BMPER: variants seen among roughly 807,000 people sequenced by gnomAD.
The protein encoded by BMPER is BMP-binding endothelial regulator protein.
In BMPER, 45 loss-of-function variants were observed where a neutral mutation model predicts 87.3. The ratio of observed to expected loss-of-function variants is 0.52; its 90% confidence interval spans 0.41 to 0.66. The LOEUF is 0.66. Among genes scored for constraint, BMPER ranks in the 30% least tolerant of loss-of-function variants. BMPER has a pLI of 0.00. For missense variants in BMPER, 784 were observed against 867.5 expected (o/e 0.90, Z 1.21); for synonymous variants, 326 against 316.2 (o/e 1.03, Z -0.33).
At chr7:33,920,376 G>T (rs1562630341) in intron 2 of BMPER, among the ~76,000 whole-genome samples, 1 of 149,508 alleles carries the variant, frequency 6.7e-6, no homozygotes, top group Non-Finnish European at 1.5e-5. Flanking sequence ...TCCTGATGGA[G>T]TAGGTCTGGC....
intron 3 of BMPER, among the ~76,000 whole-genome samples, chr7:33,941,075 A>G (rs1428899444): frequency 3.7e-5 from 5 of 135,718 alleles, no homozygotes; most frequent in African/African-American, 1.4e-4. Flanking sequence ...CATATAATTT[A>G]TATATTTATA....
intron 6 of BMPER, among the ~76,000 whole-genome samples, chr7:34,007,378 T>C (rs1454662796): frequency 1.3e-5 from 2 of 152,062 alleles, no homozygotes; most frequent in Non-Finnish European, 2.9e-5. Flanking sequence ...AGCTGCAAGA[T>C]AATAAATGGT....
intron 13 of BMPER, among the ~76,000 whole-genome samples, chr7:34,141,837 G>A (rs1790882251): frequency 6.6e-6 from 1 of 152,064 alleles, no homozygotes; most frequent in Non-Finnish European, 1.5e-5. Flanking sequence ...TAACTTTGTG[G>A]GTTCACTGTG....
In BMPER at chr7:33,907,245, T is replaced by C. The variant is rs114610159; in HGVS notation, c.219+342T>C. ...TCTTGGGACAACAAAACTTTCTGCG[T>C]TGGTTCTGTCATTTAAGCTCAGTGG... On this transcript the variant is annotated intron_variant, in intron 2 of 14. Transcript: ENST00000649409. Among the ~76,000 whole-genome samples, 909 of 152,250 alleles carry C rather than the reference T, an allele frequency of 6.0e-3. 7 individuals are homozygous for C. Among genetic ancestry groups the C allele is most frequent in the African/African-American group, 0.02 (844 of 41,548 alleles).
chr7:34,116,874 C>T (rs939218850), intron 13 of BMPER, among the ~76,000 whole-genome samples: 1 of 151,980 alleles, frequency 6.6e-6, no homozygotes, highest in Non-Finnish European at 1.5e-5. Flanking sequence ...CCTGTAATCC[C>T]AGCTACTTGG....
chr7:33,905,628 C>T lies in BMPER; in HGVS notation c.15C>T (p.Ser5=). ...TCCAGGTGACGATGCTCTGGTTCTCCGGCGTCGGGGCTCTGGCTGAGCGTT... is the reference window on the plus strand; with the variant it reads ...TCCAGGTGACGATGCTCTGGTTCTCTGGCGTCGGGGCTCTGGCTGAGCGTT... The part of the protein sequence containing the change: MLWF[S]GVGALAERYC... Residue 5 remains serine (S), a synonymous_variant, in exon 1 of 15, where the codon TCC becomes TCT. Transcript: ENST00000649409. 1.2e-6 allele frequency: 2 copies of T among 1,612,824 alleles called. No homozygotes were observed. Among genetic ancestry groups the T allele is most frequent in the South Asian group, 1.1e-5 (1 of 91,046 alleles).
chr7:34,038,091 C>G (rs1342514662), intron 6 of BMPER, among the ~76,000 whole-genome samples: 1 of 152,146 alleles, frequency 6.6e-6, no homozygotes, highest in Non-Finnish European at 1.5e-5. Context: ...ATGTCCATGT[C>G]CTAATCTCCA....
In BMPER at chr7:33,957,796, G is replaced by C. The variant is rs180681105; in HGVS notation, c.320-8683G>C. Among the ~76,000 whole-genome samples, 975 of 152,280 alleles carry C rather than the reference G, an allele frequency of 6.4e-3. 4 individuals carry two copies. Among genetic ancestry groups the C allele is most frequent in the Non-Finnish European group, 0.011 (780 of 68,022 alleles). On this transcript the variant is annotated intron_variant, in intron 3 of 14. Transcript: ENST00000649409. ...CAGAATTAAAAATAAAAGATAAAGA[G>C]TGATGGTGGAATATTTTTGACAATT... is the stretch of plus-strand genomic sequence containing the variant.
chr7:34,075,481 T>C (rs1158654755), intron 11 of BMPER, among the ~76,000 whole-genome samples: 2 of 152,234 alleles, frequency 1.3e-5, no homozygotes, highest in African/African-American at 4.8e-5. Context: ...TGTGCATTTG[T>C]ATCCATATGT....
chr7:33,926,715 G>C (rs1012520301), intron 2 of BMPER, among the ~76,000 whole-genome samples: 1 of 152,204 alleles, frequency 6.6e-6, no homozygotes, highest in Non-Finnish European at 1.5e-5. Flanking sequence ...TAATGGCCTT[G>C]GTGAATGAGT....
intron 2 of BMPER, among the ~76,000 whole-genome samples, chr7:33,929,293 G>C (rs989968273): frequency 2.6e-5 from 4 of 152,232 alleles, no homozygotes; most frequent in African/African-American, 9.6e-5. Flanking sequence ...TTATGGCCGT[G>C]GGATGCTGCA....
At chr7:34,017,778 A>T (rs865917928) in intron 6 of BMPER, among the ~76,000 whole-genome samples, 2 of 151,880 alleles carry the variant, frequency 1.3e-5, no homozygotes, top group Middle Eastern at 3.2e-3. Context: ...AGTAATGCTG[A>T]GGCTGCTGGT....
chr7:34,127,238 C>A (rs1790428970), intron 13 of BMPER, among the ~76,000 whole-genome samples: 1 of 152,124 alleles, frequency 6.6e-6, no homozygotes, highest in Non-Finnish European at 1.5e-5. Flanking sequence ...TAGTCATGGT[C>A]TCTGTTTTGC....
At chr7:34,005,764 T>G (rs1786714217) in intron 6 of BMPER, among the ~76,000 whole-genome samples, 1 of 152,062 alleles carries the variant, frequency 6.6e-6, no homozygotes, top group Non-Finnish European at 1.5e-5. Flanking sequence ...GAGGAATGGC[T>G]TTTTGGAAGT....
chr7:34,050,690 T>C (rs1788126501), intron 7 of BMPER, among the ~76,000 whole-genome samples: 1 of 152,180 alleles, frequency 6.6e-6, no homozygotes, highest in Non-Finnish European at 1.5e-5. Context: ...TAGTCTTTAA[T>C]TAAAGTAACA....
chr7:33,966,384 T>C, intron 3 of BMPER, 95 bp from the exon 4 acceptor site: 1 of 1,074,498 alleles, frequency 9.3e-7, no homozygotes. Context: ...ATCGCTAATC[T>C]GGGCTTAGAG....
intron 14 of BMPER, among the ~76,000 whole-genome samples, chr7:34,147,460 C>A (rs1791058690): frequency 6.6e-6 from 1 of 151,968 alleles, no homozygotes; most frequent in African/African-American, 2.4e-5. Flanking sequence ...TTTGGCAGAT[C>A]CCTGTTTTTT....
Position 34,085,853 on chromosome 7 carries a change from A to C in BMPER, c.1506A>C (p.Gly502=). 6.2e-7 allele frequency: 1 copy of C among 1,614,138 alleles called. No homozygotes were observed. Among genetic ancestry groups the C allele is most frequent in the Non-Finnish European group, 8.5e-7 (1 of 1,180,036 alleles). ...KLCGLCGNYN[G]HKRDDLIGGD... The stretch of plus-strand genomic sequence containing the variant: ...GTGGTCTTTGTGGCAACTACAATGG[A>C]CATAAACGTGATGACTTAATTGGTG... Residue 502 remains glycine, a synonymous_variant, in exon 13 of 15, where the codon GGA becomes GGC. Transcript: ENST00000649409.
At chr7:33,992,208 A>ATGCCTATTAGGT (rs1786242246) in intron 6 of BMPER, among the ~76,000 whole-genome samples, 1 of 141,102 alleles carries the variant, frequency 7.1e-6, no homozygotes, top group Non-Finnish European at 1.5e-5. Flanking sequence ...TCTAATGTTG[A>ATGCCTATTAGGT]CAGTGGGGTG....
Sources: allele counts gnomAD v4.1 joint callset (sites outside exome capture counted in the v4.1 genomes callset), GRCh38; gene constraint gnomAD v4.1.1; transcripts MANE v1.5; gene names NCBI Gene and HGNC (gene_info 2026-07-23, HGNC 2026-07-21).